The following GALNT13 variants were observed in gnomAD, a reference collection of about 807,000 sequenced individuals.
GALNT13 encodes the protein UDP-GalNAc:polypeptide N-acetylgalactosaminyltransferase 13.
GALNT13 carries 28 observed loss-of-function variants against 64.2 expected under a neutral mutation model. The ratio of observed to expected loss-of-function variants is 0.44; its 90% CI spans 0.32 to 0.60. GALNT13 has a LOEUF of 0.60. Ranked by LOEUF, GALNT13 falls within the 20% of genes least tolerant of loss-of-function variation. GALNT13 has a pLI of 0.05. For missense variants in GALNT13, 577 were observed against 669.8 expected (o/e 0.86, Z 1.53); for synonymous variants, 214 against 224.6 (o/e 0.95, Z 0.42).
chr2:154,253,948 A>G (rs192302563), intron 7 of GALNT13, among the ~76,000 whole-genome samples: 79 of 152,292 alleles, frequency 5.2e-4, no homozygotes, highest in African/African-American at 1.7e-3. Flanking sequence ...ATATAATACT[A>G]TATACAATAA....
chr2:154,292,396 G>A lies in GALNT13; in HGVS notation c.976-9013G>A, dbSNP rs375660543. Among the ~76,000 whole-genome samples the A allele has an allele frequency of 2.3e-4, 35 of 152,278 alleles. No individual in the cohort carries two copies. The South Asian group carries it at 6.6e-3, about 29-fold the overall frequency. On this transcript the variant is annotated intron_variant, in intron 8 of 12. Transcript: ENST00000392825. Reference sequence around the variant, plus strand: ...GTCATTATCATCTCTGTTCTAGATTGTTGCAATAACTCCTCAATAAATCAC... The same window carrying A: ...GTCATTATCATCTCTGTTCTAGATTATTGCAATAACTCCTCAATAAATCAC...
the GALNT13 span, among the ~76,000 whole-genome samples, chr2:153,751,983 T>G: frequency 6.6e-6 from 1 of 152,042 alleles, no homozygotes; most frequent in Non-Finnish European, 1.5e-5. Context: ...TTCTCATTTT[T>G]TGTGTATTCA....
intron 2 of GALNT13, among the ~76,000 whole-genome samples, chr2:153,940,414 C>G (rs531216724): frequency 6.6e-6 from 1 of 151,806 alleles, no homozygotes; most frequent in Non-Finnish European, 1.5e-5. Flanking sequence ...TCCGCCACCA[C>G]GCCCAGCTAA....
the GALNT13 span, among the ~76,000 whole-genome samples, chr2:153,859,477 C>T: frequency 6.6e-6 from 1 of 152,140 alleles, no homozygotes; most frequent in Non-Finnish European, 1.5e-5. Flanking sequence ...TCCTTACTTA[C>T]TTCATACCTT....
Position 153,909,027 on chromosome 2 carries a change from T to C in GALNT13, c.-105+8020T>C, listed in dbSNP as rs147554124. ...ATATTGATTCCTCCTATCCATGAGA[T>C]CCATGAACATGGAGTGTTTTTCTAT... is the stretch of plus-strand genomic sequence containing the variant. On this transcript the variant is annotated intron_variant, in intron 2 of 12. Transcript: ENST00000392825. 6.5e-3 allele frequency among the ~76,000 whole-genome samples: 989 copies of C among 152,028 alleles called. 7 individuals are homozygous for C. Among genetic ancestry groups the C allele is most frequent in the African/African-American group, 0.022 (916 of 41,522 alleles).
the GALNT13 span, among the ~76,000 whole-genome samples, chr2:153,443,036 C>T: frequency 1.3e-5 from 2 of 152,154 alleles, no homozygotes; most frequent in African/African-American, 4.8e-5. Context: ...TGGCTTCAGC[C>T]CCCTTTCCAA....
intron 7 of GALNT13, among the ~76,000 whole-genome samples, chr2:154,246,638 C>T (rs1161033452): frequency 6.6e-6 from 1 of 152,038 alleles, no homozygotes. Context: ...GGACCTCTTA[C>T]CTGAAACTAA....
intron 2 of GALNT13, among the ~76,000 whole-genome samples, chr2:153,906,207 T>C (rs1261795219): frequency 6.6e-6 from 1 of 151,798 alleles, no homozygotes; most frequent in Non-Finnish European, 1.5e-5. Context: ...TTTTTTAATG[T>C]TGAGTTCAAG....
the GALNT13 span, among the ~76,000 whole-genome samples, chr2:153,200,392 T>G: frequency 6.6e-6 from 1 of 152,210 alleles, no homozygotes; most frequent in African/African-American, 2.4e-5. Flanking sequence ...GGGCAAAGTG[T>G]AGTGAGCATT....
At chr2:153,254,454 G>T in the GALNT13 span, among the ~76,000 whole-genome samples, 1 of 152,120 alleles carries the variant, frequency 6.6e-6, no homozygotes, top group East Asian at 1.9e-4. Flanking sequence ...AGGGTTTTTT[G>T]TGTCTCTATT....
At chr2:153,980,422 T>C (rs1022815455) in intron 3 of GALNT13, among the ~76,000 whole-genome samples, 1 of 152,038 alleles carries the variant, frequency 6.6e-6, no homozygotes, top group African/African-American at 2.4e-5. Context: ...AATGGTAGCC[T>C]AAATAAAGTT....
chr2:153,556,406 C>T, the GALNT13 span, among the ~76,000 whole-genome samples: 1 of 152,136 alleles, frequency 6.6e-6, no homozygotes, highest in African/African-American at 2.4e-5. Flanking sequence ...TGTTCAGAGA[C>T]TATTAAACAT....
the GALNT13 span, among the ~76,000 whole-genome samples, chr2:153,817,663 C>T: frequency 5.3e-5 from 8 of 152,236 alleles, no homozygotes; most frequent in Non-Finnish European, 8.8e-5. Flanking sequence ...TTACAGTGGC[C>T]CCTAAACTTA....
the GALNT13 span, among the ~76,000 whole-genome samples, chr2:153,744,441 C>G: frequency 6.6e-6 from 1 of 152,070 alleles, no homozygotes; most frequent in African/African-American, 2.4e-5. Context: ...ATGTTCAGCA[C>G]CTTTTCATAT....
intron 9 of GALNT13, among the ~76,000 whole-genome samples, chr2:154,373,769 C>G (rs2105316465): frequency 6.6e-6 from 1 of 152,250 alleles, no homozygotes; most frequent in South Asian, 2.1e-4. Flanking sequence ...ACAAGTCTTC[C>G]CTTGGCCTTG....
At chr2:154,342,178 C>T (rs1447881814) in intron 9 of GALNT13, among the ~76,000 whole-genome samples, 2 of 151,856 alleles carry the variant, frequency 1.3e-5, no homozygotes, top group Non-Finnish European at 2.9e-5. Context: ...AATTTGGGAT[C>T]CATCAATGTT....
chr2:153,725,223 G>A, the GALNT13 span, among the ~76,000 whole-genome samples: 15 of 146,298 alleles, frequency 1.0e-4, no homozygotes, highest in Admixed American at 4.1e-4. Flanking sequence ...ACCAAACACC[G>A]CATATTCTCC....
the GALNT13 span, among the ~76,000 whole-genome samples, chr2:153,400,899 G>A: frequency 1.3e-5 from 2 of 151,780 alleles, no homozygotes; most frequent in African/African-American, 2.4e-5. Flanking sequence ...TTAATTTTTT[G>A]AAGGGTTTTT....
chr2:153,567,107 C>G, the GALNT13 span, among the ~76,000 whole-genome samples: 1 of 152,164 alleles, frequency 6.6e-6, no homozygotes, highest in Non-Finnish European at 1.5e-5. Context: ...TCTTAATGCC[C>G]AAGAAGGGCA....
Sources: gnomAD v4.1 joint callset for allele counts (sites outside exome capture counted in the v4.1 genomes callset) on GRCh38, gnomAD v4.1.1 for gene constraint, MANE v1.5 for transcripts, NCBI Gene and HGNC (gene_info 2026-07-23, HGNC 2026-07-21) for gene names.